The following ERMP1 variants were observed in gnomAD, a reference collection of about 807,000 sequenced individuals.
The protein encoded by ERMP1 is endoplasmic reticulum metallopeptidase 1.
ERMP1 carries 86 observed loss-of-function variants against 92.0 expected under a neutral mutation model. That is an observed-to-expected ratio of 0.93 (90% CI 0.79 to 1.12). The LOEUF is 1.12. Among genes scored for constraint, ERMP1 ranks in the 50% most tolerant of loss-of-function variants. ERMP1 has a pLI of 0.00. For missense variants in ERMP1, 1,342 were observed against 1,116.3 expected (o/e 1.20, Z -2.88); for synonymous variants, 530 against 412.8 (o/e 1.28, Z -3.44).
In ERMP1 at chr9:5,802,098, A is replaced by C. The variant is rs551835568; in HGVS notation, c.1915-770T>G. Among the ~76,000 whole-genome samples, 19 of 152,354 alleles carry C rather than the reference A, an allele frequency of 1.2e-4. 1 individual carries two copies. The South Asian group carries it at 3.5e-3, about 28-fold the overall frequency. ...TGTGAAATCTGAAATTGTTCTAAGA[A>C]GCCACATTTTAAATATTGTGAATAC... On this transcript the variant is annotated intron_variant, in intron 10 of 14. Transcript: ENST00000339450.
chr9:5,866,304 G>C (rs1476583441), intron 5 of ERMP1, among the ~76,000 whole-genome samples: 1 of 151,948 alleles, frequency 6.6e-6, no homozygotes, highest in Admixed American at 6.6e-5. Context: ...CTTCTGTTTC[G>C]GGGAACAGAA....
In ERMP1 at chr9:5,797,952, C is replaced by A; in HGVS notation, c.2271-20G>T. On this transcript the variant is annotated intron_variant, in intron 12 of 14. Coordinates refer to ENST00000339450, the MANE Select transcript of ERMP1 (RefSeq NM_024896.3). ...TTTTTCCTATTTAGAAAGGAAGCTT[C>A]AGTTTTAGGGTGCTTTATTATTTGA... The A allele has an allele frequency of 6.7e-7, 1 of 1,483,574 alleles. No homozygotes were observed. The highest frequency in any genetic ancestry group is 9.4e-7 in the Non-Finnish European group (1 of 1,061,966). The allele number at this position is 1,483,574 out of a possible 1,614,324, so 91.9% of individuals were successfully genotyped here.
chr9:5,834,547 G>T (rs776616899), upstream of ERMP1, among the ~76,000 whole-genome samples: 13 of 152,142 alleles, frequency 8.5e-5, no homozygotes, highest in Admixed American at 4.6e-4. Flanking sequence ...CCACTTTTGT[G>T]GCAGCAAGCA....
At chr9:5,829,966 T>G (rs749361699) in intron 2 of ERMP1, among the ~76,000 whole-genome samples, 3 of 152,368 alleles carry the variant, frequency 2.0e-5, no homozygotes, top group Non-Finnish European at 4.4e-5. Context: ...AAATATATAC[T>G]GCATCAGGCA....
chr9:5,852,172 G>C (rs1042831304), intron 6 of ERMP1, among the ~76,000 whole-genome samples: 3 of 152,086 alleles, frequency 2.0e-5, no homozygotes, highest in African/African-American at 4.8e-5. Flanking sequence ...AGAATCTTAA[G>C]GGTAATCAAG....
At chr9:5,829,362 G>C (rs1829853673) in intron 2 of ERMP1, among the ~76,000 whole-genome samples, 1 of 152,048 alleles carries the variant, frequency 6.6e-6, no homozygotes, top group Non-Finnish European at 1.5e-5. Flanking sequence ...CTTTCTAAAT[G>C]AAGATATTCT....
rs778072786 is a variant in ERMP1 at position 5,787,271 on chromosome 9, G to C, written c.2588C>G (p.Ala863Gly). The change falls in exon 15 of 15, where the codon GCC (alanine) becomes GGC (glycine). Residue 863 changes from alanine to glycine, a missense_variant. Physicochemically the swap from Ala to Gly is moderately conservative, Grantham distance 60. Transcript: ENST00000339450. Reference protein sequence around the residue: ...EEHPEGMVTVAIAAHYLSGED... With the variant: ...EEHPEGMVTVGIAAHYLSGED... ...CCCAGACAGATAGTGGGCAGCAATG[G>C]CCACGGTGACCATTCCTTCAGGATG... The C allele has an allele frequency of 1.2e-6, 2 of 1,613,814 alleles. No individual in the cohort carries two copies. The highest frequency in any genetic ancestry group is 1.3e-5 in the African/African-American group (1 of 75,028).
Position 5,805,676 on chromosome 9 carries a change from C to A in ERMP1, c.1658G>T (p.Ser553Ile), listed in dbSNP as rs776984067. ...CAATGGGAATGCTACCCAGACAGCA[C>A]TAATAAACGCCGAGCAAAGTCCTTG... ...TYQGLCSAFI[S>I]AVWVAFPLLT... is the part of the protein sequence containing the mutation. Residue 553 changes from serine to isoleucine, a missense_variant, in exon 9 of 15, where the codon AGT becomes ATT. Physicochemically the swap from Ser to Ile is moderately radical, Grantham distance 142. Transcript: ENST00000339450. 11 of 1,613,462 alleles carry A rather than the reference C, an allele frequency of 6.8e-6. No homozygotes were observed. Among genetic ancestry groups the A allele is most frequent in the Non-Finnish European group, 9.3e-6 (11 of 1,179,786 alleles).
chr9:5,835,350 A>ACGCGCGCG (rs57732063), upstream of ERMP1, among the ~76,000 whole-genome samples: 35 of 150,468 alleles, frequency 2.3e-4, no homozygotes, highest in East Asian at 1.2e-3. Context: ...GAGACAATGA[A>ACGCGCGCG]CGCGCGCGCG....
rs747023400 is a variant in ERMP1, at chr9:5,805,738, C to A, written c.1596G>T (p.Leu532=). ...YLGEVFFDIS[L]FVHCCFLVTL... Reference sequence around the variant, plus strand: ...TAACAAGAAAACAGCAATGGACAAACAGCGAAATGTCAAAAAATACTTCTC... The same window carrying A: ...TAACAAGAAAACAGCAATGGACAAAAAGCGAAATGTCAAAAAATACTTCTC... The change falls in exon 9 of 15, where the codon CTG becomes CTT. Residue 532 remains leucine, a synonymous_variant. Coordinates refer to ENST00000339450, the MANE Select transcript of ERMP1 (RefSeq NM_024896.3). The A allele has an allele frequency of 1.9e-6, 3 of 1,611,462 alleles. No individual in the cohort carries two copies.
chr9:5,864,729 A>T (rs1373311988), intron 5 of ERMP1, among the ~76,000 whole-genome samples: 2 of 152,158 alleles, frequency 1.3e-5, no homozygotes, highest in African/African-American at 4.8e-5. Context: ...ACTGGACAGG[A>T]GGCTTGTATT....
chr9:5,796,634 A>G (rs1394178166), intron 13 of ERMP1, among the ~76,000 whole-genome samples: 1 of 152,244 alleles, frequency 6.6e-6, no homozygotes, highest in Non-Finnish European at 1.5e-5. Flanking sequence ...GAAAAAGGCT[A>G]CATACTCTGT....
At chr9:5,790,169 CTTTTTTTTTT>C (rs371493040) in intron 13 of ERMP1, among the ~76,000 whole-genome samples, 1 of 126,808 alleles carries the variant, frequency 7.9e-6, no homozygotes, top group Non-Finnish European at 1.7e-5. Context: ...AAAACAATAC[CTTTTTTTTTT>C]TTTTTTTTTT....
chr9:5,816,060 G>C (rs1829293566), intron 4 of ERMP1, among the ~76,000 whole-genome samples: 1 of 152,124 alleles, frequency 6.6e-6, no homozygotes, highest in South Asian at 2.1e-4. Context: ...TCTTAGATGG[G>C]AGGGAGTTGT....
At chr9:5,834,701 ATATGTG>A (rs957839002), upstream of ERMP1, among the ~76,000 whole-genome samples, 2 of 62,812 alleles carry the variant, frequency 3.2e-5, no homozygotes, top group African/African-American at 8.1e-5. Context: ...ATGTATGTAT[ATATGTG>A]TGTGTGTGTG....
intron 1 of ERMP1, 70 bp from the exon 2 acceptor site, chr9:5,831,098 C>A: frequency 8.2e-7 from 1 of 1,212,364 alleles, no homozygotes; most frequent in Non-Finnish European, 1.2e-6. Flanking sequence ...AACTTTTCCA[C>A]TACACACCCC....
In ERMP1 at chr9:5,798,863, T is replaced by A; in HGVS notation, c.2213A>T (p.Glu738Val). The change falls in exon 12 of 15, where the codon GAG becomes GTG. Residue 738 changes from glutamate (E) to valine (V), a missense_variant. Glu to Val is a moderately radical substitution (Grantham distance 121, BLOSUM62 -2). Transcript: ENST00000339450. ...AAAACCACAAAGAGGTGCATTCTCC[T>A]CACAGTGAGCTCGGATACTATCATT... ...EINDSIRAHC[E>V]ENAPLCGFPW... 6.2e-7 allele frequency: 1 copy of A among 1,613,940 alleles called. No individual in the cohort carries two copies. The highest frequency in any genetic ancestry group is 8.5e-7 in the Non-Finnish European group (1 of 1,179,882).
intron 2 of ERMP1, among the ~76,000 whole-genome samples, chr9:5,828,562 G>A (rs1450423865): frequency 1.3e-5 from 2 of 152,092 alleles, no homozygotes; most frequent in Non-Finnish European, 2.9e-5. Flanking sequence ...CGAGACTCAA[G>A]GTCCTTTTCC....
At position 5,817,188 on chromosome 9, in the gene ERMP1, G is replaced by A. The variant is rs532547735; in HGVS notation, c.875-4153C>T. Among the ~76,000 whole-genome samples, 77 of 143,652 alleles carry A rather than the reference G, an allele frequency of 5.4e-4. 1 individual carries two copies. The highest frequency in any genetic ancestry group is 4.6e-3 in the Admixed American group (67 of 14,516). The allele number at this position is 143,652 out of a possible 152,430, so 94.2% of individuals were successfully genotyped here. A position where few individuals can be genotyped will look rare whatever the true frequency, so the allele number is the denominator to read the frequency against. ...GCTGGGATTACAGGCATGAGCCACC[G>A]TGCCCAGCCTTTTTTTTGAGACAGA... On this transcript the variant is annotated intron_variant, in intron 4 of 14. Transcript: ENST00000339450.
Sources: allele counts gnomAD v4.1 joint callset (sites outside exome capture counted in the v4.1 genomes callset), GRCh38; gene constraint gnomAD v4.1.1; transcripts MANE v1.5; gene names NCBI Gene and HGNC (gene_info 2026-07-23, HGNC 2026-07-21).